The following SLC25A25 variants were observed in gnomAD, a reference collection of about 807,000 sequenced individuals.
The protein encoded by SLC25A25 is mitochondrial adenyl nucleotide antiporter SLC25A25.
Under a neutral mutation model 57.7 loss-of-function variants are expected in SLC25A25, and 32 were observed. The ratio of observed to expected loss-of-function variants is 0.55; its 90% CI spans 0.42 to 0.74. SLC25A25 has a LOEUF of 0.74. Ranked by LOEUF, SLC25A25 falls within the 30% of genes least tolerant of loss-of-function variation. The probability of loss-of-function intolerance (pLI) is 0.00; values close to 1 mark genes in which losing one functional copy is unlikely to be tolerated. For synonymous variants in SLC25A25, 306 were observed against 291.2 expected (o/e 1.05, Z -0.52); for missense variants, 556 against 701.3 (o/e 0.79, Z 2.34).
chr9:128,072,744 C>A (rs1832934495), intron 1 of SLC25A25, among the ~76,000 whole-genome samples: 2 of 152,172 alleles, frequency 1.3e-5, no homozygotes, highest in Admixed American at 1.3e-4. Flanking sequence ...AAGATGACGA[C>A]AACAGTAGTG....
chr9:128,080,205 G>A (rs533175759), intron 1 of SLC25A25, among the ~76,000 whole-genome samples: 3 of 149,704 alleles, frequency 2.0e-5, no homozygotes, highest in East Asian at 2.0e-4. Context: ...CACTCCAGTC[G>A]GGGCAACAGA....
chr9:128,102,869 T>G lies in SLC25A25; in HGVS notation c.624+388T>G, dbSNP rs887375221. 2.0e-5 allele frequency among the ~76,000 whole-genome samples: 3 copies of G among 152,182 alleles called. No homozygotes were observed. Among genetic ancestry groups the G allele is most frequent in the African/African-American group, 7.2e-5 (3 of 41,420 alleles). On this transcript the variant is annotated intron_variant, in intron 5 of 10. Transcript: ENST00000373069. This position sits in a 1 kb window ranked among gnomAD's most constrained non-coding sequence, Gnocchi z 4.1. ...CAGAAGCTACTCTACAGAGAACACC[T>G]AGGCAGAGCTGTGAGGTGTCCCCAC...
At position 128,102,628 on chromosome 9, in the gene SLC25A25, A is replaced by T. The variant is rs1833852047; in HGVS notation, c.624+147A>T. The T allele has an allele frequency of 4.6e-6, 3 of 650,852 alleles. No homozygotes were observed. Among genetic ancestry groups the T allele is most frequent in the Non-Finnish European group, 7.9e-6 (3 of 378,302 alleles). 40.3% of individuals were successfully genotyped at this position (650,852 alleles called of 1,614,324 possible). On this transcript the variant is annotated intron_variant, in intron 5 of 10. Transcript: ENST00000373069. This position sits in a 1 kb window ranked among gnomAD's most constrained non-coding sequence, Gnocchi z 4.1. ...CTGTCCCCTCTTCTGCCAGCCCAGTAGAGCTGTCCGCATGTTCCCCATGTT... is the reference window on the plus strand; with the variant it reads ...CTGTCCCCTCTTCTGCCAGCCCAGTTGAGCTGTCCGCATGTTCCCCATGTT...
At chr9:128,073,907 T>A (rs975882911) in intron 1 of SLC25A25, among the ~76,000 whole-genome samples, 27 of 152,088 alleles carry the variant, frequency 1.8e-4, no homozygotes, top group Non-Finnish European at 2.4e-4. Flanking sequence ...CTAATTTTTA[T>A]ATTTTCAGTA....
At position 128,107,169 on chromosome 9, in the gene SLC25A25, G is replaced by T; in HGVS notation, c.1353G>T (p.Met451Ile). 6.2e-7 allele frequency: 1 copy of T among 1,613,924 alleles called. No individual in the cohort carries two copies. The highest frequency in any genetic ancestry group is 8.5e-7 in the Non-Finnish European group (1 of 1,180,026). Reference sequence around the variant, plus strand: ...CCCTGGCCCTAGTCAGGACCCGGATGCAGGCGCAAGGTAAGGCTGGCCCTG... The same window carrying T: ...CCCTGGCCCTAGTCAGGACCCGGATTCAGGCGCAAGGTAAGGCTGGCCCTG... ...SYPLALVRTR[M>I]QAQASIEGAP... The change falls in exon 10 of 11, where the codon ATG becomes ATT. Residue 451 changes from methionine (M) to isoleucine (I), a missense_variant. This residue lies in a region of SLC25A25 where 294 missense variants were observed against 389.6 expected (regional missense o/e 0.75). Coordinates refer to ENST00000373069, the MANE Select transcript of SLC25A25 (RefSeq NM_001330988.2).
chr9:128,091,298 C>G, intron 1 of SLC25A25: 1 of 336,744 alleles, frequency 3.0e-6, no homozygotes, highest in Non-Finnish European at 4.2e-6. Context: ...GAGTCCGCAC[C>G]TCCCTGCAGA....
rs1165191047 is a variant in SLC25A25, at chr9:128,098,447, C to T, written c.262-2649C>T. 1.9e-5 allele frequency: 28 copies of T among 1,461,356 alleles called. No homozygotes were observed. In the Admixed American group the frequency reaches 4.9e-4, roughly 26 times the overall value. The allele number at this position is 1,461,356 out of a possible 1,614,324, so 90.5% of individuals were successfully genotyped here. A position where few individuals can be genotyped will look rare whatever the true frequency, so the allele number is the denominator to read the frequency against. On this transcript the variant is annotated intron_variant, in intron 1 of 10. Transcript: ENST00000373069. ...TTTTCAATTAAGTAAAAGGGCAGGG[C>T]TTAAGCAGCCAATGACAGCTGAGGC... is the stretch of plus-strand genomic sequence containing the variant.
chr9:128,109,031 G>C lies in SLC25A25; in HGVS notation c.*1587G>C, dbSNP rs1834168078. 1 of 152,426 alleles carries C rather than the reference G, an allele frequency of 6.6e-6. No individual in the cohort carries two copies. The highest frequency in any genetic ancestry group is 2.4e-5 in the African/African-American group (1 of 41,454). The allele number at this position is 152,426 out of a possible 1,614,324, so 9.4% of individuals were successfully genotyped here. A position where few individuals can be genotyped will look rare whatever the true frequency, so the allele number is the denominator to read the frequency against. ...TCCCTCCCAGCCTTCTGCTGCCCTT[G>C]CTTAACAATGCCGGCCAACTGGCGA... On this transcript the variant is annotated 3_prime_UTR_variant, in exon 11 of 11. Coordinates refer to ENST00000373069, the MANE Select transcript of SLC25A25 (RefSeq NM_001330988.2).
intron 1 of SLC25A25, among the ~76,000 whole-genome samples, chr9:128,090,809 CTCAATCAA>C (rs534661405): frequency 6.6e-6 from 1 of 152,198 alleles, no homozygotes; most frequent in African/African-American, 2.4e-5. Context: ...GAGACTCCAT[CTCAATCAA>C]TCAATCAATC....
chr9:128,070,961 A>AT (rs1832894456), intron 1 of SLC25A25, among the ~76,000 whole-genome samples: 3 of 142,914 alleles, frequency 2.1e-5, no homozygotes, highest in Non-Finnish European at 4.6e-5. Context: ...AAAAAAAAAA[A>AT]AAAAAAAAAA....
chr9:128,069,808 T>C (rs1278113646), intron 1 of SLC25A25, among the ~76,000 whole-genome samples: 1 of 152,042 alleles, frequency 6.6e-6, no homozygotes, highest in Non-Finnish European at 1.5e-5. Flanking sequence ...CTGGAGTGCA[T>C]TGGTGCAATC....
In SLC25A25 at chr9:128,105,722, C is replaced by T. The variant is rs1833999656; in HGVS notation, c.784-7C>T. On this transcript the variant is annotated splice_polypyrimidine_tract_variant and splice_region_variant and intron_variant, in intron 6 of 10. Transcript: ENST00000373069. ...GGTCCGTCTGACTGTTCGGTCCTCC[C>T]TCCCAGGTCCATGCCTCCCGCAGCA... is the stretch of plus-strand genomic sequence containing the variant. The T allele has an allele frequency of 6.2e-7, 1 of 1,612,540 alleles. No homozygotes were observed. The highest frequency in any genetic ancestry group is 8.5e-7 in the Non-Finnish European group (1 of 1,180,034).
chr9:128,094,605 A>G (rs538521952), intron 1 of SLC25A25: 1 of 152,312 alleles, frequency 6.6e-6, no homozygotes, highest in South Asian at 2.1e-4. Context: ...GCTTCCTCAT[A>G]TTAATATTTC....
At chr9:128,094,480 G>A (rs1287361645) in intron 1 of SLC25A25, 2 of 152,176 alleles carry the variant, frequency 1.3e-5, no homozygotes, top group East Asian at 3.9e-4. Context: ...TTGGAAACTG[G>A]CTACACTAGG....
rs1006921543 is a variant in SLC25A25, at chr9:128,095,615, A to T, written c.262-5481A>T. 1.3e-5 allele frequency among the ~76,000 whole-genome samples: 2 copies of T among 152,236 alleles called. No individual in the cohort carries two copies. Among genetic ancestry groups the T allele is most frequent in the Non-Finnish European group, 2.9e-5 (2 of 68,044 alleles). The stretch of plus-strand genomic sequence containing the variant: ...GAAGTTTATCCAATGAAGACATTCC[A>T]TGAGACTCAGTCACAGCAGCAAATA... On this transcript the variant is annotated intron_variant, in intron 1 of 10. Transcript: ENST00000373069. The surrounding 1 kb of genome is among the most constrained non-coding windows in gnomAD (Gnocchi z 4.4).
intron 1 of SLC25A25, among the ~76,000 whole-genome samples, chr9:128,090,727 G>A (rs918943559): frequency 3.3e-5 from 5 of 152,052 alleles, no homozygotes; most frequent in Admixed American, 2.0e-4. Flanking sequence ...AGGAGAATTC[G>A]CTTGAACCTG....
Position 128,101,474 on chromosome 9 carries a change from T to A in SLC25A25, c.476+78T>A. 6.6e-7 allele frequency: 1 copy of A among 1,505,920 alleles called. No homozygotes were observed. Among genetic ancestry groups the A allele is most frequent in the Non-Finnish European group, 9.1e-7 (1 of 1,095,248 alleles). 93.3% of individuals were successfully genotyped at this position (1,505,920 alleles called of 1,614,324 possible). A position where few individuals can be genotyped will look rare whatever the true frequency, so the allele number is the denominator to read the frequency against. ...TCTGAGACTAACCCTCCGATGCCAT[T>A]CCCTGGGCTGACCCTGAACTTGGCC... On this transcript the variant is annotated intron_variant, in intron 3 of 10. Transcript: ENST00000373069. This position sits in a 1 kb window ranked among gnomAD's most constrained non-coding sequence, Gnocchi z 4.9.
In SLC25A25 at chr9:128,099,337, C is replaced by A. The variant is rs555441827; in HGVS notation, c.262-1759C>A. ...GAAGGAGACAGAAGGAGGCCCAGGC[C>A]CTGTGAGGCAGAAGCAAGCACTTTG... is the stretch of plus-strand genomic sequence containing the variant. On this transcript the variant is annotated intron_variant, in intron 1 of 10. Coordinates refer to ENST00000373069, the MANE Select transcript of SLC25A25 (RefSeq NM_001330988.2). This position sits in a 1 kb window ranked among gnomAD's most constrained non-coding sequence, Gnocchi z 6.8. 2.8e-5 allele frequency: 35 copies of A among 1,261,728 alleles called. No individual in the cohort carries two copies. The African/African-American group carries it at 4.8e-4, about 17-fold the overall frequency. The allele number at this position is 1,261,728 out of a possible 1,614,324, so 78.2% of individuals were successfully genotyped here.
intron 1 of SLC25A25, among the ~76,000 whole-genome samples, chr9:128,075,701 A>G (rs1256317700): frequency 6.6e-6 from 1 of 151,794 alleles, no homozygotes; most frequent in Non-Finnish European, 1.5e-5. Context: ...AACACTAGCC[A>G]GGCGTTGTGG....
Sources: allele counts gnomAD v4.1 joint callset (sites outside exome capture counted in the v4.1 genomes callset), GRCh38; gene constraint gnomAD v4.1.1; regional missense constraint gnomAD v4.1.1; non-coding constraint Gnocchi (gnomAD v3.1); transcripts MANE v1.5; gene names NCBI Gene and HGNC (gene_info 2026-07-23, HGNC 2026-07-21).